The following COL8A1 variants were observed in gnomAD, a reference collection of about 807,000 sequenced individuals.
COL8A1 encodes the protein collagen type VIII alpha 1 chain.
In COL8A1, 21 loss-of-function variants were observed where a neutral mutation model predicts 42.7. The ratio of observed to expected loss-of-function variants is 0.49; its 90% CI spans 0.35 to 0.71. The LOEUF (loss-of-function observed/expected upper bound fraction) is 0.71. Ranked by LOEUF, COL8A1 falls within the 30% of genes least tolerant of loss-of-function variation. COL8A1 has a pLI of 0.01. For missense variants in COL8A1, 788 were observed against 962.4 expected (o/e 0.82, Z 2.40); for synonymous variants, 367 against 369.1 (o/e 0.99, Z 0.06).
chr3:99,702,384 T>C (rs1939566254), intron 1 of COL8A1, among the ~76,000 whole-genome samples: 1 of 152,258 alleles, frequency 6.6e-6, no homozygotes, highest in Non-Finnish European at 1.5e-5. Flanking sequence ...GTCTTAACCA[T>C]TATTGTCATG....
At chr3:99,790,197 G>T (rs1281081165) in intron 2 of COL8A1, among the ~76,000 whole-genome samples, 1 of 152,230 alleles carries the variant, frequency 6.6e-6, no homozygotes, top group Non-Finnish European at 1.5e-5. Flanking sequence ...GGTCCAAGAT[G>T]TGTGGTCTGT....
In COL8A1 at chr3:99,746,524, TA is replaced by T. The variant is rs538575055; in HGVS notation, c.-4+1510del. Among the ~76,000 whole-genome samples, 526 of 152,072 alleles carry T rather than the reference TA, an allele frequency of 3.5e-3. 2 individuals carry two copies. The highest frequency in any genetic ancestry group is 0.012 in the African/African-American group (495 of 41,504). ...CAAGGGCATTGATGAGCTCTCCCAG[TA>T]AAAAAAGTATAATAATAATGTTAAA... is the stretch of plus-strand genomic sequence containing the variant. On this transcript the variant is annotated intron_variant, in intron 2 of 3. Transcript: ENST00000652472.
In COL8A1 at chr3:99,659,125, T is replaced by A. The variant is rs1938121212; in HGVS notation, c.-129+20461T>A. Among the ~76,000 whole-genome samples, 2 of 152,316 alleles carry A rather than the reference T, an allele frequency of 1.3e-5. 1 individual carries two copies. Among genetic ancestry groups the A allele is most frequent in the Middle Eastern group, 6.8e-3 (2 of 294 alleles). On this transcript the variant is annotated intron_variant, in intron 1 of 3. Coordinates refer to ENST00000652472, the MANE Select transcript of COL8A1 (RefSeq NM_020351.4). ...AGCAGATGCCTTTCCCTGATGGTGG[T>A]TAGTTCAGCCCTGTGAGCCCCCAGT...
chr3:99,676,271 T>G (rs1938691110), intron 1 of COL8A1, among the ~76,000 whole-genome samples: 1 of 152,114 alleles, frequency 6.6e-6, no homozygotes, highest in Admixed American at 6.6e-5. Context: ...TCACACAACA[T>G]TCCCAAAGAA....
chr3:99,706,779 A>C (rs1475329328), intron 1 of COL8A1, among the ~76,000 whole-genome samples: 1 of 152,196 alleles, frequency 6.6e-6, no homozygotes, highest in Non-Finnish European at 1.5e-5. Context: ...GATTTTAGTA[A>C]CTACTTAAGA....
intron 1 of COL8A1, among the ~76,000 whole-genome samples, chr3:99,674,096 C>G (rs532464847): frequency 6.6e-5 from 10 of 152,018 alleles, no homozygotes; most frequent in Non-Finnish European, 1.3e-4. Context: ...ATGCTATCAA[C>G]TTTTATGATC....
rs1280002372 is a variant in COL8A1, at chr3:99,658,114, C to CA, written c.-129+19457dup. 9.6e-3 allele frequency among the ~76,000 whole-genome samples: 898 copies of CA among 93,112 alleles called. 9 individuals are homozygous for CA. The highest frequency in any genetic ancestry group is 0.015 in the Non-Finnish European group (610 of 41,570). 61.1% of individuals were successfully genotyped at this position (93,112 alleles called of 152,430 possible). A position where few individuals can be genotyped will look rare whatever the true frequency, so the allele number is the denominator to read the frequency against. ...TGCACCCCAGAGCAAGACTCCATCT[C>CA]AAAAAAACAAAAAACAAAAAAAAAA... On this transcript the variant is annotated intron_variant, in intron 1 of 3. Transcript: ENST00000652472.
intron 2 of COL8A1, among the ~76,000 whole-genome samples, chr3:99,756,102 A>G (rs1294925752): frequency 6.6e-6 from 1 of 151,710 alleles, no homozygotes; most frequent in Non-Finnish European, 1.5e-5. Context: ...GATGGATTGG[A>G]TGTGTGAGAA....
At chr3:99,638,971 T>C (rs560004966) in intron 1 of COL8A1, among the ~76,000 whole-genome samples, 4 of 152,244 alleles carry the variant, frequency 2.6e-5, no homozygotes, top group Non-Finnish European at 5.9e-5. Context: ...ACTGACGTTT[T>C]TCACTGTACA....
intron 1 of COL8A1, among the ~76,000 whole-genome samples, chr3:99,739,965 T>G (rs1377836317): frequency 6.6e-6 from 1 of 152,210 alleles, no homozygotes; most frequent in Admixed American, 6.5e-5. Context: ...ACTTTGCCAC[T>G]TAGAAATTTC....
chr3:99,705,076 G>C (rs1257021620), intron 1 of COL8A1, among the ~76,000 whole-genome samples: 1 of 152,164 alleles, frequency 6.6e-6, no homozygotes, highest in Non-Finnish European at 1.5e-5. Flanking sequence ...CTCAGAAATA[G>C]ATGACAACTT....
chr3:99,639,012 C>T (rs1937450317), intron 1 of COL8A1, among the ~76,000 whole-genome samples: 1 of 152,132 alleles, frequency 6.6e-6, no homozygotes, highest in Non-Finnish European at 1.5e-5. Flanking sequence ...GCAAGGAAAA[C>T]GTTGTCCCAT....
intron 1 of COL8A1, among the ~76,000 whole-genome samples, chr3:99,707,478 C>A (rs1939712696): frequency 6.6e-6 from 1 of 152,172 alleles, no homozygotes; most frequent in South Asian, 2.1e-4. Context: ...CTTGCTTCTG[C>A]CTGTAACTAG....
At chr3:99,641,744 CT>C (rs1937511040) in intron 1 of COL8A1, among the ~76,000 whole-genome samples, 2 of 152,152 alleles carry the variant, frequency 1.3e-5, no homozygotes. Context: ...CCTCTGGGAG[CT>C]AGGTGTTTCT....
At chr3:99,737,343 C>T (rs1317485324) in intron 1 of COL8A1, among the ~76,000 whole-genome samples, 1 of 151,976 alleles carries the variant, frequency 6.6e-6, no homozygotes, top group Non-Finnish European at 1.5e-5. Context: ...TACATTTTGG[C>T]ATGATTTTGC....
chr3:99,715,449 T>C (rs1169689244), intron 1 of COL8A1, among the ~76,000 whole-genome samples: 1 of 152,048 alleles, frequency 6.6e-6, no homozygotes, highest in Non-Finnish European at 1.5e-5. Context: ...ACTGGGCTTT[T>C]GCCCTTGGGT....
chr3:99,756,191 G>A (rs1941250727), intron 2 of COL8A1, among the ~76,000 whole-genome samples: 1 of 151,626 alleles, frequency 6.6e-6, no homozygotes. Context: ...CAAAATAGGG[G>A]AGCTTGGGGT....
At chr3:99,707,474 TCTGC>T (rs1939712548) in intron 1 of COL8A1, among the ~76,000 whole-genome samples, 2 of 152,184 alleles carry the variant, frequency 1.3e-5, no homozygotes, top group African/African-American at 4.8e-5. Flanking sequence ...CCTCCTTGCT[TCTGC>T]CTGTAACTAG....
At chr3:99,640,782 T>G (rs1335943881) in intron 1 of COL8A1, among the ~76,000 whole-genome samples, 1 of 152,118 alleles carries the variant, frequency 6.6e-6, no homozygotes, top group African/African-American at 2.4e-5. Context: ...GAAAAATCAG[T>G]GTCGAAGTTT....
Sources: gnomAD v4.1 joint callset for allele counts (sites outside exome capture counted in the v4.1 genomes callset) on GRCh38, gnomAD v4.1.1 for gene constraint, MANE v1.5 for transcripts, NCBI Gene and HGNC (gene_info 2026-07-23, HGNC 2026-07-21) for gene names.